CAP2: variants seen among roughly 807,000 people sequenced by gnomAD.
CAP2 encodes adenylyl cyclase-associated protein 2.
CAP2 carries 24 observed loss-of-function variants against 57.7 expected under a neutral mutation model. The ratio of observed to expected loss-of-function variants is 0.42; its 90% CI spans 0.30 to 0.58. The LOEUF is 0.58. Among genes scored for constraint, CAP2 ranks in the 20% least tolerant of loss-of-function variants. The probability of loss-of-function intolerance (pLI) is 0.22; values close to 1 mark genes in which losing one functional copy is unlikely to be tolerated. For missense variants in CAP2, 501 were observed against 590.3 expected (o/e 0.85, Z 1.57); for synonymous variants, 194 against 207.2 (o/e 0.94, Z 0.55).
intron 6 of CAP2, among the ~76,000 whole-genome samples, chr6:17,512,411 G>A (rs6459553): frequency 0.47 from 71,233 of 151,630 alleles, 18,281 homozygotes; most frequent in East Asian, 0.59. Context: ...AAAAAAAAGA[G>A]AAGAAAGTAT....
At chr6:17,517,408 A>G (rs533698311) in intron 7 of CAP2, among the ~76,000 whole-genome samples, 1 of 152,388 alleles carries the variant, frequency 6.6e-6, no homozygotes, top group African/African-American at 2.4e-5. Flanking sequence ...TTAATTACAG[A>G]AAAATATAAA....
intron 12 of CAP2, among the ~76,000 whole-genome samples, chr6:17,554,551 C>G (rs1473760873): frequency 2.0e-5 from 3 of 152,262 alleles, no homozygotes; most frequent in Non-Finnish European, 4.4e-5. Flanking sequence ...AGCCACCGTG[C>G]CTGGCCCAGG....
chr6:17,535,192 G>A (rs1410333613), intron 7 of CAP2, among the ~76,000 whole-genome samples: 2 of 151,998 alleles, frequency 1.3e-5, no homozygotes, highest in African/African-American at 2.4e-5. Flanking sequence ...TACTTCTGTC[G>A]TATTTATTCT....
intron 12 of CAP2, among the ~76,000 whole-genome samples, chr6:17,552,501 T>C (rs1422874358): frequency 6.6e-6 from 1 of 151,998 alleles, no homozygotes; most frequent in Non-Finnish European, 1.5e-5. Flanking sequence ...ATACAAAAAT[T>C]AGCCGTGTGA....
chr6:17,467,744 T>C (rs1002349836), intron 4 of CAP2, among the ~76,000 whole-genome samples: 5 of 152,122 alleles, frequency 3.3e-5, no homozygotes, highest in African/African-American at 4.8e-5. Flanking sequence ...AGGCTGGTCT[T>C]GAACTCCTGA....
intron 6 of CAP2, among the ~76,000 whole-genome samples, chr6:17,510,783 C>A (rs571099906): frequency 6.6e-6 from 1 of 152,330 alleles, no homozygotes; most frequent in South Asian, 2.1e-4. Context: ...CAGACACACA[C>A]CTACACATGC....
At chr6:17,485,483 C>T (rs780801777) in intron 4 of CAP2, among the ~76,000 whole-genome samples, 3 of 152,144 alleles carry the variant, frequency 2.0e-5, no homozygotes, top group Middle Eastern at 3.2e-3. Context: ...AGCTGGAAAA[C>T]GACAGGAATG....
chr6:17,466,664 G>A (rs1419386118), intron 4 of CAP2, among the ~76,000 whole-genome samples: 3 of 152,302 alleles, frequency 2.0e-5, no homozygotes, highest in South Asian at 4.1e-4. Context: ...CAGGCTCCCC[G>A]GCGATGCTGG....
At chr6:17,434,186 C>T (rs1425813348) in intron 3 of CAP2, among the ~76,000 whole-genome samples, 2 of 151,566 alleles carry the variant, frequency 1.3e-5, no homozygotes, top group African/African-American at 4.9e-5. Context: ...TTTCTTTCTG[C>T]TTTTTTAGTA....
chr6:17,520,171 G>A (rs778303242), intron 7 of CAP2, among the ~76,000 whole-genome samples: 5 of 152,088 alleles, frequency 3.3e-5, no homozygotes, highest in Non-Finnish European at 7.4e-5. Flanking sequence ...ACAGTGGCAC[G>A]ATTGCAGCTC....
At chr6:17,408,664 T>TTA (rs1759054701) in intron 1 of CAP2, among the ~76,000 whole-genome samples, 1 of 147,062 alleles carries the variant, frequency 6.8e-6, no homozygotes, top group Non-Finnish European at 1.5e-5. Flanking sequence ...AGCCTCCTTT[T>TTA]TTTTTTTTTT....
chr6:17,446,119 A>G (rs1235363943), intron 3 of CAP2, among the ~76,000 whole-genome samples: 1 of 152,220 alleles, frequency 6.6e-6, no homozygotes, highest in African/African-American at 2.4e-5. Flanking sequence ...ATGAGACATT[A>G]TGAAGAAAAA....
At chr6:17,502,852 C>CT (rs964406160) in intron 4 of CAP2, among the ~76,000 whole-genome samples, 1 of 152,036 alleles carries the variant, frequency 6.6e-6, no homozygotes, top group African/African-American at 2.4e-5. Context: ...AATTAGGAAG[C>CT]TTTTTTTAGT....
intron 2 of CAP2, among the ~76,000 whole-genome samples, chr6:17,422,339 A>G (rs977040087): frequency 6.8e-6 from 1 of 146,486 alleles, no homozygotes; most frequent in African/African-American, 2.5e-5. Flanking sequence ...ATTCCTAACC[A>G]ACTATGCTTT....
intron 4 of CAP2, among the ~76,000 whole-genome samples, chr6:17,471,647 A>T (rs1761021714): frequency 6.6e-6 from 1 of 152,014 alleles, no homozygotes; most frequent in Non-Finnish European, 1.5e-5. Flanking sequence ...CCTGGCTAAC[A>T]CAGTGAAACC....
At chr6:17,438,723 G>A (rs1329373779) in intron 3 of CAP2, among the ~76,000 whole-genome samples, 20 of 148,812 alleles carry the variant, frequency 1.3e-4, no homozygotes, top group Admixed American at 5.3e-4. Context: ...ATAGGTGTGA[G>A]CCACCGCACC....
chr6:17,408,217 A>G (rs1025454217), intron 1 of CAP2, among the ~76,000 whole-genome samples: 4 of 152,218 alleles, frequency 2.6e-5, no homozygotes, highest in Admixed American at 2.6e-4. Flanking sequence ...TAAAGGCCTC[A>G]GGCTGCTTCC....
At chr6:17,492,872 C>T (rs765330314) in intron 4 of CAP2, among the ~76,000 whole-genome samples, 6 of 152,160 alleles carry the variant, frequency 3.9e-5, no homozygotes, top group Admixed American at 6.5e-5. Context: ...ATTTTCCCCA[C>T]TTATGTATCG....
chr6:17,510,839 C>T (rs1334327733), intron 6 of CAP2, among the ~76,000 whole-genome samples: 2 of 152,176 alleles, frequency 1.3e-5, no homozygotes, highest in Admixed American at 1.3e-4. Flanking sequence ...GCCTTTTTAC[C>T]TTCCACCCTT....
Sources: gnomAD v4.1 joint callset for allele counts (sites outside exome capture counted in the v4.1 genomes callset) on GRCh38, gnomAD v4.1.1 for gene constraint, MANE v1.5 for transcripts, NCBI Gene and HGNC (gene_info 2026-07-23, HGNC 2026-07-21) for gene names.